PLXNA4: variants seen among roughly 807,000 people sequenced by gnomAD.
PLXNA4 encodes plexin-A4.
Under a neutral mutation model 191.8 loss-of-function variants are expected in PLXNA4, and 44 were observed. The ratio of observed to expected loss-of-function variants is 0.23; its 90% CI spans 0.18 to 0.29. The LOEUF is 0.29. Ranked by LOEUF, PLXNA4 falls within the 10% of genes least tolerant of loss-of-function variation. PLXNA4 has a pLI of 1.00. For missense variants in PLXNA4, 1,800 were observed against 2,488.8 expected (o/e 0.72, Z 5.89); for synonymous variants, 1,082 against 1,009.5 (o/e 1.07, Z -1.36).
At chr7:132,173,434 T>C (rs1426156571) in intron 21 of PLXNA4, among the ~76,000 whole-genome samples, 1 of 152,194 alleles carries the variant, frequency 6.6e-6, no homozygotes, top group Non-Finnish European at 1.5e-5. Context: ...GCCTTGTCGA[T>C]GAGGACATAG....
At chr7:132,223,482 G>A in intron 9 of PLXNA4, 45 bp downstream of exon 9, 1 of 1,491,016 alleles carries the variant, frequency 6.7e-7, no homozygotes, top group Non-Finnish European at 9.3e-7. Flanking sequence ...TGTGTCCCAT[G>A]CTCACAACAA....
At chr7:132,246,301 T>A (rs766902565) in intron 4 of PLXNA4, among the ~76,000 whole-genome samples, 1 of 152,248 alleles carries the variant, frequency 6.6e-6, no homozygotes, top group Non-Finnish European at 1.5e-5. Flanking sequence ...TCACTATTCT[T>A]TTCAACGTAA....
intron 3 of PLXNA4, among the ~76,000 whole-genome samples, chr7:132,373,144 C>A (rs755828940): frequency 6.6e-6 from 1 of 152,126 alleles, no homozygotes; most frequent in Non-Finnish European, 1.5e-5. Context: ...ATGGCCAGGG[C>A]ATGATGTGGT....
At chr7:132,327,661 T>C (rs1199462676) in intron 3 of PLXNA4, among the ~76,000 whole-genome samples, 1 of 152,216 alleles carries the variant, frequency 6.6e-6, no homozygotes, top group Non-Finnish European at 1.5e-5. Flanking sequence ...AGGTGAACAC[T>C]GTGTGAGGAA....
At chr7:132,488,909 G>A (rs1002167919) in intron 3 of PLXNA4, among the ~76,000 whole-genome samples, 1 of 152,234 alleles carries the variant, frequency 6.6e-6, no homozygotes, top group Non-Finnish European at 1.5e-5. Flanking sequence ...AAGGGCTGGA[G>A]CAAGGGGAAC....
At chr7:132,305,361 AACACACACACACACACACACAC>A (rs57158164) in intron 3 of PLXNA4, among the ~76,000 whole-genome samples, 1 of 131,090 alleles carries the variant, frequency 7.6e-6, no homozygotes, top group Non-Finnish European at 1.6e-5. Flanking sequence ...GCTTACCAAG[AACACACACACACACACACACAC>A]ACACACACAC....
At chr7:132,258,454 G>T (rs771627790) in intron 4 of PLXNA4, among the ~76,000 whole-genome samples, 7 of 152,250 alleles carry the variant, frequency 4.6e-5, no homozygotes, top group Non-Finnish European at 1.0e-4. Context: ...GGCAGTGGCT[G>T]CTGCAGGCTT....
chr7:132,498,821 G>A (rs1798133700), intron 2 of PLXNA4, among the ~76,000 whole-genome samples: 1 of 152,148 alleles, frequency 6.6e-6, no homozygotes, highest in African/African-American at 2.4e-5. Flanking sequence ...GTTTTAGGAG[G>A]TGGGGCTGGG....
chr7:132,287,424 G>A (rs1269436498), intron 4 of PLXNA4, among the ~76,000 whole-genome samples: 2 of 152,192 alleles, frequency 1.3e-5, no homozygotes, highest in Non-Finnish European at 2.9e-5. Context: ...AATCCTAAAA[G>A]TGCTGAAAGA....
chr7:132,438,163 T>C (rs932872013), intron 3 of PLXNA4, among the ~76,000 whole-genome samples: 2 of 152,184 alleles, frequency 1.3e-5, no homozygotes, highest in Non-Finnish European at 2.9e-5. Context: ...CAAAAGCATA[T>C]TTATAAATTG....
rs775843438 is a variant in PLXNA4, at chr7:132,489,478, C to A, written c.1189-4G>T. 6.5e-7 allele frequency: 1 copy of A among 1,542,158 alleles called. No individual in the cohort carries two copies. The highest frequency in any genetic ancestry group is 2.3e-5 in the East Asian group (1 of 43,650). On this transcript the variant is annotated splice_region_variant and splice_polypyrimidine_tract_variant and intron_variant, in intron 2 of 31. Transcript: ENST00000321063. ...AGTTATCGTCAATGGTTAAGAGCTG[C>A]AAATTTTAAAAAGAGAAAAATTAGA...
intron 3 of PLXNA4, among the ~76,000 whole-genome samples, chr7:132,367,424 C>T (rs930612185): frequency 3.3e-5 from 5 of 150,886 alleles, no homozygotes; most frequent in African/African-American, 9.8e-5. Context: ...GATACACACT[C>T]GGGAGTGAGG....
chr7:132,199,472 G>A (rs1359880855), intron 12 of PLXNA4, among the ~76,000 whole-genome samples: 1 of 152,170 alleles, frequency 6.6e-6, no homozygotes, highest in African/African-American at 2.4e-5. Flanking sequence ...TAAAATGTGA[G>A]GACTCAGCAT....
chr7:132,364,643 C>T (rs1034931827), intron 3 of PLXNA4, among the ~76,000 whole-genome samples: 4 of 152,182 alleles, frequency 2.6e-5, no homozygotes, highest in Non-Finnish European at 5.9e-5. Context: ...CAAAACCATC[C>T]AAAACTATCA....
At chr7:132,332,153 C>A (rs979558661) in intron 3 of PLXNA4, among the ~76,000 whole-genome samples, 18 of 152,140 alleles carry the variant, frequency 1.2e-4, no homozygotes, top group African/African-American at 4.1e-4. Context: ...CCTTCTTGTA[C>A]CTGTGAAGGG....
intron 25 of PLXNA4, among the ~76,000 whole-genome samples, chr7:132,151,459 GAGGAGGAGGAGA>G: frequency 8.6e-6 from 1 of 115,732 alleles, no homozygotes; most frequent in African/African-American, 3.3e-5. Context: ...GAAGAAGGAG[GAGGAGGAGGAGA>G]AAGGAGGAGG....
At chr7:132,330,937 C>T (rs978550490) in intron 3 of PLXNA4, among the ~76,000 whole-genome samples, 1 of 152,182 alleles carries the variant, frequency 6.6e-6, no homozygotes, top group East Asian at 1.9e-4. Context: ...AGCAAAGTTA[C>T]TCCTTTTACT....
intron 3 of PLXNA4, among the ~76,000 whole-genome samples, chr7:132,329,545 A>T (rs537297239): frequency 1.1e-4 from 17 of 152,306 alleles, no homozygotes; most frequent in African/African-American, 3.4e-4. Context: ...ACCAGCCTTA[A>T]TTGTGGCTGC....
chr7:132,209,255 C>A (rs1440294852), intron 10 of PLXNA4, among the ~76,000 whole-genome samples: 2 of 152,268 alleles, frequency 1.3e-5, no homozygotes, highest in South Asian at 2.1e-4. Context: ...TCTATCCACC[C>A]TCCTGACATC....
Sources: gnomAD v4.1 joint callset for allele counts (sites outside exome capture counted in the v4.1 genomes callset) on GRCh38, gnomAD v4.1.1 for gene constraint, MANE v1.5 for transcripts, NCBI Gene and HGNC (gene_info 2026-07-23, HGNC 2026-07-21) for gene names.